Variants in GALNT13 observed in about 807,000 individuals in gnomAD.
GALNT13 encodes the protein UDP-GalNAc:polypeptide N-acetylgalactosaminyltransferase 13.
In GALNT13, 28 loss-of-function variants were observed where a neutral mutation model predicts 64.2. The ratio of observed to expected loss-of-function variants is 0.44; its 90% CI spans 0.32 to 0.60. The LOEUF (loss-of-function observed/expected upper bound fraction) is 0.60. Ranked by LOEUF, GALNT13 falls within the 20% of genes least tolerant of loss-of-function variation. The pLI is 0.05. For synonymous variants in GALNT13, 214 were observed against 224.6 expected (o/e 0.95, Z 0.42); for missense variants, 577 against 669.8 (o/e 0.86, Z 1.53).
the GALNT13 span, among the ~76,000 whole-genome samples, chr2:153,455,842 T>TA: frequency 6.6e-6 from 1 of 151,930 alleles, no homozygotes; most frequent in African/African-American, 2.4e-5. Context: ...TGTCCAAAAA[T>TA]AAAAAATAAA....
chr2:153,308,486 C>T, the GALNT13 span, among the ~76,000 whole-genome samples: 92 of 152,260 alleles, frequency 6.0e-4, no homozygotes, highest in African/African-American at 2.1e-3. Flanking sequence ...GTTCAATTTT[C>T]TCAGATCAGG....
intron 3 of GALNT13, among the ~76,000 whole-genome samples, chr2:154,129,743 C>A (rs1418492450): frequency 6.6e-6 from 1 of 151,984 alleles, no homozygotes; most frequent in Non-Finnish European, 1.5e-5. Context: ...TAATTCCCAG[C>A]AAACATGATT....
At chr2:153,411,653 C>T in the GALNT13 span, among the ~76,000 whole-genome samples, 1 of 152,148 alleles carries the variant, frequency 6.6e-6, no homozygotes, top group African/African-American at 2.4e-5. Context: ...GCTGGGCCGT[C>T]TGACTGATGC....
At chr2:153,986,218 T>A (rs566377353) in intron 3 of GALNT13, among the ~76,000 whole-genome samples, 2 of 152,066 alleles carry the variant, frequency 1.3e-5, no homozygotes, top group Admixed American at 1.3e-4. Context: ...ATGGAGAAGG[T>A]TTATTTTGGA....
the GALNT13 span, among the ~76,000 whole-genome samples, chr2:153,674,370 C>G: frequency 1.3e-5 from 2 of 152,064 alleles, no homozygotes; most frequent in Admixed American, 1.3e-4. Flanking sequence ...ACCAATGGAA[C>G]AGAACAGAGG....
At chr2:153,554,672 GTGTGTGTGTGTC>G in the GALNT13 span, among the ~76,000 whole-genome samples, 12 of 147,264 alleles carry the variant, frequency 8.1e-5, no homozygotes, top group East Asian at 4.5e-4. Flanking sequence ...GTGTGTGTGT[GTGTGTGTGTGTC>G]TGTGTACGCG....
the GALNT13 span, among the ~76,000 whole-genome samples, chr2:153,675,700 AAAG>A: frequency 6.6e-6 from 1 of 152,156 alleles, no homozygotes; most frequent in Non-Finnish European, 1.5e-5. Flanking sequence ...AATAATAATA[AAAG>A]AAGACTATAT....
At chr2:153,287,172 G>A in the GALNT13 span, among the ~76,000 whole-genome samples, 11 of 152,316 alleles carry the variant, frequency 7.2e-5, no homozygotes, top group East Asian at 1.9e-3. Flanking sequence ...TCGCAGGCAC[G>A]CGATGGGGGT....
At chr2:154,191,262 C>T (rs573886321) in intron 4 of GALNT13, among the ~76,000 whole-genome samples, 18 of 152,260 alleles carry the variant, frequency 1.2e-4, no homozygotes, top group African/African-American at 3.4e-4. Flanking sequence ...TGCACGCGCA[C>T]GCACGCACAC....
chr2:154,280,335 C>A (rs1446870379), intron 8 of GALNT13, among the ~76,000 whole-genome samples: 1 of 152,036 alleles, frequency 6.6e-6, no homozygotes, highest in African/African-American at 2.4e-5. Context: ...TTTCTATGCC[C>A]CAGAGCCCAG....
chr2:153,713,573 C>T, the GALNT13 span, among the ~76,000 whole-genome samples: 1 of 152,200 alleles, frequency 6.6e-6, no homozygotes, highest in Admixed American at 6.5e-5. Flanking sequence ...GCCTCCACCT[C>T]CCAAGTTCAA....
At chr2:153,747,768 T>C in the GALNT13 span, among the ~76,000 whole-genome samples, 1 of 152,084 alleles carries the variant, frequency 6.6e-6, no homozygotes, top group East Asian at 1.9e-4. Context: ...AGTGAGAACA[T>C]GGCATGTTTG....
chr2:154,324,453 T>C (rs1694780623), intron 9 of GALNT13, among the ~76,000 whole-genome samples: 1 of 152,124 alleles, frequency 6.6e-6, no homozygotes, highest in South Asian at 2.1e-4. Context: ...TATTGTGATA[T>C]ATTTAACTTA....
chr2:154,051,504 A>T (rs1264228881), intron 3 of GALNT13, among the ~76,000 whole-genome samples: 1 of 151,282 alleles, frequency 6.6e-6, no homozygotes, highest in Non-Finnish European at 1.5e-5. Flanking sequence ...GTTAGCCAGG[A>T]TGGTCTCGAT....
At chr2:153,346,041 C>T in the GALNT13 span, among the ~76,000 whole-genome samples, 1 of 152,002 alleles carries the variant, frequency 6.6e-6, no homozygotes, top group Non-Finnish European at 1.5e-5. Flanking sequence ...GTGGCGCGAT[C>T]TCGGCTCACT....
intron 4 of GALNT13, chr2:154,236,018 T>C: frequency 8.3e-7 from 1 of 1,207,996 alleles, no homozygotes; most frequent in Non-Finnish European, 1.1e-6. Flanking sequence ...CAGCTGGATT[T>C]ATTTTTTATA....
chr2:153,316,639 C>CAAAAAAAAAAAAAAAAAAAAAAAAA, the GALNT13 span, among the ~76,000 whole-genome samples: 1 of 69,852 alleles, frequency 1.4e-5, no homozygotes, highest in African/African-American at 5.7e-5. Flanking sequence ...GACTCCGTCT[C>CAAAAAAAAAAAAAAAAAAAAAAAAA]AAAAAAAAAA....
chr2:153,219,764 C>A, the GALNT13 span, among the ~76,000 whole-genome samples: 5 of 151,982 alleles, frequency 3.3e-5, no homozygotes, highest in Middle Eastern at 3.4e-3. Context: ...CTCCAGATAA[C>A]AAATTGGTTT....
the GALNT13 span, among the ~76,000 whole-genome samples, chr2:153,604,942 A>G: frequency 6.6e-6 from 1 of 152,016 alleles, no homozygotes; most frequent in Non-Finnish European, 1.5e-5. Context: ...TATTCAATTG[A>G]TCAGTGAGAA....
Sources: allele counts gnomAD v4.1 joint callset (sites outside exome capture counted in the v4.1 genomes callset), GRCh38; gene constraint gnomAD v4.1.1; transcripts MANE v1.5; gene names NCBI Gene and HGNC (gene_info 2026-07-23, HGNC 2026-07-21).